Variants in MAGI3 observed in about 807,000 individuals in gnomAD.
The protein encoded by MAGI3 is membrane-associated guanylate kinase, WW and PDZ domain-containing protein 3.
MAGI3 carries 43 observed loss-of-function variants against 121.8 expected under a neutral mutation model. That is an observed-to-expected ratio of 0.35 (90% CI 0.28 to 0.46). The LOEUF (loss-of-function observed/expected upper bound fraction) is 0.46. Among genes scored for constraint, MAGI3 ranks in the 20% least tolerant of loss-of-function variants. MAGI3 has a pLI of 1.00. For synonymous variants in MAGI3, 553 were observed against 639.3 expected (o/e 0.86, Z 2.04); for missense variants, 1,547 against 1,797.3 (o/e 0.86, Z 2.52).
intron 2 of MAGI3, among the ~76,000 whole-genome samples, chr1:113,580,068 A>G (rs1446055379): frequency 6.6e-6 from 1 of 152,124 alleles, no homozygotes; most frequent in Non-Finnish European, 1.5e-5. Flanking sequence ...TAATTTTATG[A>G]AACAATTTAC....
At chr1:113,433,079 T>C (rs1463368815) in intron 1 of MAGI3, among the ~76,000 whole-genome samples, 3 of 152,134 alleles carry the variant, frequency 2.0e-5, no homozygotes, top group Non-Finnish European at 4.4e-5. Flanking sequence ...CATAGAATGG[T>C]ATATGTATGG....
At chr1:113,664,836 G>C (rs1007795005) in intron 16 of MAGI3, among the ~76,000 whole-genome samples, 3 of 152,010 alleles carry the variant, frequency 2.0e-5, no homozygotes, top group Non-Finnish European at 4.4e-5. Context: ...TTTTTCTTGT[G>C]GGATTTCTGT....
intron 1 of MAGI3, among the ~76,000 whole-genome samples, chr1:113,435,444 G>A (rs145132617): frequency 6.6e-6 from 1 of 152,174 alleles, no homozygotes; most frequent in East Asian, 1.9e-4. Flanking sequence ...GGAAGTGTCA[G>A]TTTCACAATT....
At chr1:113,562,795 T>A (rs574505926) in intron 2 of MAGI3, among the ~76,000 whole-genome samples, 1 of 152,294 alleles carries the variant, frequency 6.6e-6, no homozygotes, top group South Asian at 2.1e-4. Flanking sequence ...GGCACACGTT[T>A]ATGTAACAAA....
chr1:113,638,058 C>T (rs1045117242), intron 9 of MAGI3, among the ~76,000 whole-genome samples: 3 of 152,206 alleles, frequency 2.0e-5, no homozygotes, highest in African/African-American at 4.8e-5. Flanking sequence ...ACGTAGTTCT[C>T]GAGCCTTGGC....
intron 9 of MAGI3, among the ~76,000 whole-genome samples, chr1:113,636,927 A>T (rs1652067701): frequency 6.6e-6 from 1 of 152,142 alleles, no homozygotes; most frequent in Non-Finnish European, 1.5e-5. Context: ...TTGGGTGCAT[A>T]TATATTTAGG....
intron 15 of MAGI3, among the ~76,000 whole-genome samples, chr1:113,656,938 G>A (rs1183635694): frequency 3.9e-5 from 6 of 152,146 alleles, no homozygotes; most frequent in Non-Finnish European, 7.4e-5. Context: ...AGAAGACTCG[G>A]CTAGTTTTTG....
chr1:113,435,104 C>T (rs1409697579), intron 1 of MAGI3, among the ~76,000 whole-genome samples: 1 of 152,102 alleles, frequency 6.6e-6, no homozygotes. Flanking sequence ...TGGTTATTCA[C>T]TTTTGTCCCC....
intron 1 of MAGI3, among the ~76,000 whole-genome samples, chr1:113,487,438 A>AT (rs894452741): frequency 4.6e-5 from 7 of 151,552 alleles, no homozygotes; most frequent in East Asian, 1.9e-4. Flanking sequence ...GAAGTTGCAA[A>AT]TTTTTTTTTG....
intron 1 of MAGI3, among the ~76,000 whole-genome samples, chr1:113,458,675 A>C (rs1339239566): frequency 6.6e-6 from 1 of 151,780 alleles, no homozygotes; most frequent in Non-Finnish European, 1.5e-5. Context: ...CACTGCACCC[A>C]GCTAGTTTTA....
At chr1:113,664,960 G>A (rs980655639) in intron 16 of MAGI3, among the ~76,000 whole-genome samples, 1 of 152,046 alleles carries the variant, frequency 6.6e-6, no homozygotes, top group East Asian at 1.9e-4. Context: ...TTTGACCATG[G>A]TACCCTTTAT....
At chr1:113,656,229 T>C (rs1237516639) in intron 15 of MAGI3, among the ~76,000 whole-genome samples, 1 of 152,198 alleles carries the variant, frequency 6.6e-6, no homozygotes, top group African/African-American at 2.4e-5. Context: ...GAGAGTATTC[T>C]TGTTAGAATT....
At chr1:113,427,755 T>A (rs1653084025) in intron 1 of MAGI3, among the ~76,000 whole-genome samples, 1 of 152,204 alleles carries the variant, frequency 6.6e-6, no homozygotes. Context: ...AAAGTCTCAA[T>A]CATGTTTTAA....
At chr1:113,549,710 G>T in intron 2 of MAGI3, 79 bp downstream of exon 2, 1 of 678,634 alleles carries the variant, frequency 1.5e-6, no homozygotes. Context: ...ATAGTTTGAT[G>T]GAGTATTTCA....
intron 1 of MAGI3, among the ~76,000 whole-genome samples, chr1:113,453,938 T>C (rs1428477579): frequency 6.6e-6 from 1 of 152,222 alleles, no homozygotes; most frequent in Non-Finnish European, 1.5e-5. Flanking sequence ...CCACTTTATG[T>C]CCATAATATA....
intron 1 of MAGI3, among the ~76,000 whole-genome samples, chr1:113,489,170 C>CG (rs889962339): frequency 1.9e-5 from 2 of 105,680 alleles, no homozygotes; most frequent in East Asian, 2.5e-3. Context: ...ACACCTTAGG[C>CG]CCCCCCCGAC....
At chr1:113,529,040 T>C (rs1374892842) in intron 1 of MAGI3, among the ~76,000 whole-genome samples, 2 of 152,338 alleles carry the variant, frequency 1.3e-5, no homozygotes, top group East Asian at 1.9e-4. Flanking sequence ...TTTATTCTCT[T>C]GAATTTATAA....
At chr1:113,676,952 GTTTTTA>G (rs1322884521) in intron 19 of MAGI3, among the ~76,000 whole-genome samples, 1 of 152,150 alleles carries the variant, frequency 6.6e-6, no homozygotes, top group Non-Finnish European at 1.5e-5. Flanking sequence ...GTGTGTGTGT[GTTTTTA>G]TTTTTAAGAT....
At chr1:113,515,808 A>G (rs1657868474) in intron 1 of MAGI3, among the ~76,000 whole-genome samples, 1 of 152,090 alleles carries the variant, frequency 6.6e-6, no homozygotes, top group African/African-American at 2.4e-5. Context: ...AAGACAGTAT[A>G]TGTAGTGACT....
Sources: gnomAD v4.1 joint callset for allele counts (sites outside exome capture counted in the v4.1 genomes callset) on GRCh38, gnomAD v4.1.1 for gene constraint, MANE v1.5 for transcripts, NCBI Gene and HGNC (gene_info 2026-07-23, HGNC 2026-07-21) for gene names.